LRP1B: variants seen among roughly 807,000 people sequenced by gnomAD.
LRP1B encodes LDL receptor related protein 1B.
Under a neutral mutation model 556.6 loss-of-function variants are expected in LRP1B, and 217 were observed. The ratio of observed to expected loss-of-function variants is 0.39; its 90% CI spans 0.35 to 0.44. The LOEUF is 0.44. LRP1B is among the 20% of genes least tolerant of loss of function. The pLI is 1.00. For synonymous variants in LRP1B, 2,047 were observed against 1,865.8 expected, an observed-to-expected ratio of 1.10 and a Z score of -2.50; for missense variants, 5,053 against 5,620.8, an observed-to-expected ratio of 0.90 and a Z score of 3.23.
chr2:140,912,378 C>A (rs1420865143), intron 21 of LRP1B, among the ~76,000 whole-genome samples: 1 of 151,488 alleles, frequency 6.6e-6, no homozygotes, highest in Non-Finnish European at 1.5e-5. Flanking sequence ...TGCTTAAACT[C>A]CCTTCTTTAT....
intron 11 of LRP1B, among the ~76,000 whole-genome samples, chr2:141,030,488 G>C (rs532556774): frequency 1.3e-5 from 2 of 152,148 alleles, no homozygotes; most frequent in South Asian, 2.1e-4. Context: ...AAGGTAATTT[G>C]TTTTGACAGA....
intron 14 of LRP1B, 36 bp downstream of exon 14, chr2:141,013,520 T>C (rs2105385090): frequency 6.6e-7 from 1 of 1,504,214 alleles, no homozygotes; most frequent in African/African-American, 1.4e-5. Context: ...TTATTATATG[T>C]GAATCTCAGA....
intron 2 of LRP1B, among the ~76,000 whole-genome samples, chr2:141,646,447 A>G (rs1177982623): frequency 6.6e-6 from 1 of 152,182 alleles, no homozygotes; most frequent in Non-Finnish European, 1.5e-5. Context: ...AGGGCCTGTG[A>G]TACACAGTGC....
intron 2 of LRP1B, among the ~76,000 whole-genome samples, chr2:141,786,236 A>G (rs569291899): frequency 5.3e-5 from 8 of 152,124 alleles, no homozygotes; most frequent in African/African-American, 1.7e-4. Context: ...TTTTTCTACA[A>G]TAAAAGGAAA....
intron 1 of LRP1B, among the ~76,000 whole-genome samples, chr2:142,104,797 G>A (rs1706690067): frequency 6.6e-6 from 1 of 152,122 alleles, no homozygotes; most frequent in Non-Finnish European, 1.5e-5. Flanking sequence ...AATGCGAGCA[G>A]TAAACAACTC....
chr2:141,871,149 C>A (rs1367325088), intron 1 of LRP1B, among the ~76,000 whole-genome samples: 3 of 151,960 alleles, frequency 2.0e-5, no homozygotes, highest in Non-Finnish European at 4.4e-5. Flanking sequence ...TAAAGTTTGA[C>A]ATTCACCAAT....
At position 141,112,064 on chromosome 2, in the gene LRP1B, A is replaced by ACAT. The variant is rs1553461478; in HGVS notation, c.1014-49792_1014-49791insATG. Among the ~76,000 whole-genome samples the ACAT allele has an allele frequency of 3.9e-5, 4 of 103,604 alleles. No individual in the cohort carries two copies. The East Asian group carries it at 2.0e-3, about 51-fold the overall frequency. The allele number at this position is 103,604 out of a possible 152,430, so 68.0% of individuals were successfully genotyped here. On this transcript the variant is annotated intron_variant, in intron 7 of 90. Coordinates refer to ENST00000389484, the MANE Select transcript of LRP1B (RefSeq NM_018557.3). ...CTGCCTCAAAAATAAATAAATAAAT[A>ACAT]AATAAATAATAAATAAATAAATAAA...
intron 3 of LRP1B, among the ~76,000 whole-genome samples, chr2:141,417,397 C>T (rs1679938607): frequency 6.6e-6 from 1 of 152,112 alleles, no homozygotes; most frequent in South Asian, 2.1e-4. Flanking sequence ...CTCTGTCCTC[C>T]CATCCCCTGG....
intron 83 of LRP1B, among the ~76,000 whole-genome samples, chr2:140,306,143 G>T: frequency 6.8e-6 from 1 of 146,088 alleles, no homozygotes; most frequent in Non-Finnish European, 1.5e-5. Flanking sequence ...GCCAGGCTTT[G>T]GTATCAGGAT....
chr2:141,005,229 C>A, intron 15 of LRP1B, 106 bp downstream of exon 15: 2 of 1,223,478 alleles, frequency 1.6e-6, no homozygotes, highest in South Asian at 3.5e-5. Flanking sequence ...AAATAATTAT[C>A]TGAATTTCTC....
chr2:140,499,102 A>T (rs886903871), intron 55 of LRP1B, among the ~76,000 whole-genome samples: 4 of 151,846 alleles, frequency 2.6e-5, no homozygotes, highest in Non-Finnish European at 5.9e-5. Context: ...AAACACTGGC[A>T]TTTATAAAGT....
At chr2:141,674,421 A>G (rs1198440199) in intron 2 of LRP1B, among the ~76,000 whole-genome samples, 1 of 152,076 alleles carries the variant, frequency 6.6e-6, no homozygotes, top group Admixed American at 6.6e-5. Context: ...CTTAAGACCA[A>G]TTTATTTGCC....
At chr2:140,943,648 A>C (rs1695462605) in intron 20 of LRP1B, among the ~76,000 whole-genome samples, 1 of 152,150 alleles carries the variant, frequency 6.6e-6, no homozygotes, top group Non-Finnish European at 1.5e-5. Flanking sequence ...TGGAAACTAA[A>C]CAACTTGCTT....
At chr2:141,022,037 C>T (rs72849548) in intron 11 of LRP1B, among the ~76,000 whole-genome samples, 8,072 of 151,582 alleles carry the variant, frequency 0.053, 348 homozygotes, top group Non-Finnish European at 0.071. Flanking sequence ...CTTTAAAATG[C>T]TTTTTCTATA....
rs754226036 is a variant in LRP1B, at chr2:140,776,204, G to A, written c.5394C>T (p.Ala1798=). Residue 1798 remains alanine (A), a synonymous_variant, in exon 33 of 91, where the codon GCC becomes GCT. Transcript: ENST00000389484. ...CTCTTTTGCTGCAGGTTCCTAGCTG[G>A]GCTAAGTTTTGGTCTGCCCACCACA... is the stretch of plus-strand genomic sequence containing the variant. ...KKLWWADQNL[A]QLGTCSKRDG... is the part of the protein sequence containing the mutation. The A allele has an allele frequency of 1.9e-6, 3 of 1,602,116 alleles. No individual in the cohort carries two copies. Among genetic ancestry groups the A allele is most frequent in the Admixed American group, 1.7e-5 (1 of 58,296 alleles).
At chr2:140,599,630 G>T (rs1343606941) in intron 42 of LRP1B, among the ~76,000 whole-genome samples, 1 of 152,006 alleles carries the variant, frequency 6.6e-6, no homozygotes, top group Non-Finnish European at 1.5e-5. Flanking sequence ...CTTATAAGTT[G>T]TGACATTTAA....
intron 87 of LRP1B, among the ~76,000 whole-genome samples, chr2:140,246,535 A>AG (rs397820030): frequency 6.7e-6 from 1 of 150,150 alleles, no homozygotes; most frequent in Non-Finnish European, 1.5e-5. Context: ...ACAAAAAAAA[A>AG]TTTGCAAAAA....
At chr2:141,875,799 T>C (rs1698737946) in intron 1 of LRP1B, among the ~76,000 whole-genome samples, 1 of 151,980 alleles carries the variant, frequency 6.6e-6, no homozygotes. Flanking sequence ...TCAAGGTTCA[T>C]GTATCTCTAA....
intron 1 of LRP1B, among the ~76,000 whole-genome samples, chr2:142,066,627 T>G (rs147569421): frequency 7.8e-4 from 118 of 151,640 alleles, no homozygotes; most frequent in Non-Finnish European, 1.3e-3. Context: ...ACCACACTCT[T>G]CATCTCCTCT....
Sources: allele counts gnomAD v4.1 joint callset (sites outside exome capture counted in the v4.1 genomes callset), GRCh38; gene constraint gnomAD v4.1.1; transcripts MANE v1.5; gene names NCBI Gene and HGNC (gene_info 2026-07-23, HGNC 2026-07-21).